The following POLDIP3 variants were observed in gnomAD, a reference collection of about 807,000 sequenced individuals.
POLDIP3 encodes the protein polymerase delta-interacting protein 3.
A neutral mutation model predicts 45.1 loss-of-function variants in POLDIP3; 14 were observed. That is an observed-to-expected ratio of 0.31 (90% confidence interval 0.20 to 0.49). The LOEUF (loss-of-function observed/expected upper bound fraction) is 0.49. Among genes scored for constraint, POLDIP3 ranks in the 20% least tolerant of loss-of-function variants. POLDIP3 has a pLI of 0.99. For missense variants in POLDIP3, 511 were observed against 538.8 expected, an observed-to-expected ratio of 0.95 and a Z score of 0.51; for synonymous variants, 223 against 205.2, an observed-to-expected ratio of 1.09 and a Z score of -0.74.
rs575159336 is a variant in POLDIP3 at position 42,584,062 on chromosome 22, G to C, written c.*1729C>G. Reference sequence around the variant, plus strand: ...GAGAGGGAGGATAAAGCCATGCAGGGAGGATATTTACCATCCCTACCCTAA... The same window carrying C: ...GAGAGGGAGGATAAAGCCATGCAGGCAGGATATTTACCATCCCTACCCTAA... On this transcript the variant is annotated 3_prime_UTR_variant, in exon 9 of 9. Transcript: ENST00000252115. 1.4e-4 allele frequency: 22 copies of C among 152,624 alleles called. No homozygotes were observed. The highest frequency in any genetic ancestry group is 5.1e-4 in the African/African-American group (21 of 41,560). The allele number at this position is 152,624 out of a possible 1,614,324, so 9.5% of individuals were successfully genotyped here.
intron 1 of POLDIP3, among the ~76,000 whole-genome samples, chr22:42,608,634 C>T (rs986069894): frequency 6.6e-6 from 1 of 152,128 alleles, no homozygotes; most frequent in Non-Finnish European, 1.5e-5. Flanking sequence ...CACTCTCTAG[C>T]GACCAAAGGG....
chr22:42,590,984 A>G (rs2062569843), intron 7 of POLDIP3, among the ~76,000 whole-genome samples: 1 of 151,982 alleles, frequency 6.6e-6, no homozygotes. Context: ...TGAGGCAGGA[A>G]AGCCGCTTGA....
intron 4 of POLDIP3, among the ~76,000 whole-genome samples, chr22:42,599,482 T>C (rs1279813753): frequency 6.6e-6 from 1 of 152,184 alleles, no homozygotes; most frequent in African/African-American, 2.4e-5. Context: ...CAGGCGCCTG[T>C]AATCCCAGCT....
Position 42,603,009 on chromosome 22 carries a change from C to T in POLDIP3, c.211G>A (p.Val71Ile), listed in dbSNP as rs745736942. Residue 71 changes from valine (V) to isoleucine (I), a missense_variant, in exon 2 of 9, where the codon GTC (valine) becomes ATC (isoleucine). Around this residue, in one of 4 missense-constraint regions of POLDIP3, gnomAD observed 378 missense variants for 352.3 expected, o/e 1.07. Transcript: ENST00000252115. The part of the protein sequence containing the change: ...GLSDARLKLG[V>I]KDAREKLLQK... The stretch of plus-strand genomic sequence containing the variant: ...AAAAGCTTCTCCCGGGCATCCTTGA[C>T]TCCCAGTTTGAGCCGGGCATCTGAG... The T allele has an allele frequency of 1.9e-6, 3 of 1,614,166 alleles. No individual in the cohort carries two copies. The highest frequency in any genetic ancestry group is 2.2e-5 in the South Asian group (2 of 91,082).
intron 1 of POLDIP3, among the ~76,000 whole-genome samples, chr22:42,603,414 T>G (rs1436120039): frequency 1.3e-5 from 2 of 152,184 alleles, no homozygotes; most frequent in Non-Finnish European, 2.9e-5. Context: ...AAGAGTGTTT[T>G]GCTTCCTAGA....
intron 8 of POLDIP3, among the ~76,000 whole-genome samples, chr22:42,586,595 ACT>A (rs144909564): frequency 0.022 from 3,395 of 152,264 alleles, 45 homozygotes; most frequent in Non-Finnish European, 0.034. Context: ...AACAGATGTA[ACT>A]CTGTTTAGCC....
In POLDIP3 at chr22:42,602,563, CT is replaced by C. The variant is rs3216842; in HGVS notation, c.450+206del. ...CCAAATTTCTATGGGCCTCCTTTTT[CT>C]TTTTTTTTAGAACTGAGATAATACC... On this transcript the variant is annotated intron_variant, in intron 2 of 8. Transcript: ENST00000252115. Among the ~76,000 whole-genome samples the C allele has an allele frequency of 2.2e-3, 339 of 151,596 alleles. 4 individuals are homozygous for C. The highest frequency in any genetic ancestry group is 7.9e-3 in the African/African-American group (326 of 41,350).
chr22:42,592,165 TG>T, intron 6 of POLDIP3, 81 bp from the exon 7 acceptor site: 1 of 1,581,766 alleles, frequency 6.3e-7, no homozygotes, highest in Admixed American at 1.8e-5. Flanking sequence ...CCCTGGGGTG[TG>T]GTGGTTCCGC....
At chr22:42,600,284 G>A (rs1193431538) in intron 3 of POLDIP3, among the ~76,000 whole-genome samples, 1 of 152,222 alleles carries the variant, frequency 6.6e-6, no homozygotes, top group Non-Finnish European at 1.5e-5. Context: ...ATGTCACAGA[G>A]AAATGCTTGA....
At position 42,607,945 on chromosome 22, in the gene POLDIP3, G is replaced by GC. The variant is rs1926861966; in HGVS notation, c.60-4786dup. On this transcript the variant is annotated intron_variant, in intron 1 of 8. Coordinates refer to ENST00000252115, the MANE Select transcript of POLDIP3 (RefSeq NM_032311.5). Reference sequence around the variant, plus strand: ...CCGTCTGGGAGGGAGGTGGGGGGCAGCCCCCGCACAGCCAGCCGCCCTGTT... The same window carrying GC: ...CCGTCTGGGAGGGAGGTGGGGGGCAGCCCCCCGCACAGCCAGCCGCCCTGTT... Among the ~76,000 whole-genome samples the GC allele has an allele frequency of 2.6e-5, 4 of 151,254 alleles. No individual in the cohort carries two copies. The South Asian group carries it at 8.4e-4, about 32-fold the overall frequency.
At chr22:42,611,693 G>A (rs548188354) in intron 1 of POLDIP3, among the ~76,000 whole-genome samples, 21 of 152,104 alleles carry the variant, frequency 1.4e-4, no homozygotes, top group Non-Finnish European at 3.1e-4. Flanking sequence ...TGACCAACAT[G>A]GTGAAACCCC....
chr22:42,587,626 C>T (rs749794600), intron 7 of POLDIP3, 54 bp from the exon 8 acceptor site: 1 of 1,500,118 alleles, frequency 6.7e-7, no homozygotes, highest in Non-Finnish European at 9.3e-7. Context: ...GCTCCTCACA[C>T]AAGAGGACAA....
intron 6 of POLDIP3, among the ~76,000 whole-genome samples, chr22:42,595,329 C>T (rs1427898225): frequency 1.3e-5 from 2 of 152,168 alleles, no homozygotes; most frequent in Non-Finnish European, 2.9e-5. Flanking sequence ...GGAGGGGCCT[C>T]TGGAGGCTTG....
intron 6 of POLDIP3, among the ~76,000 whole-genome samples, chr22:42,595,278 C>T (rs1196122880): frequency 6.6e-6 from 1 of 152,262 alleles, no homozygotes; most frequent in Admixed American, 6.5e-5. Context: ...ATTGTCACAA[C>T]TTGCTGCGAG....
At chr22:42,607,169 C>T (rs569713897) in intron 1 of POLDIP3, among the ~76,000 whole-genome samples, 13 of 152,366 alleles carry the variant, frequency 8.5e-5, no homozygotes, top group African/African-American at 2.9e-4. Flanking sequence ...CGAGCCGAGG[C>T]TGGACTGTAC....
intron 1 of POLDIP3, 27 bp downstream of exon 1, chr22:42,614,772 A>G: frequency 6.2e-7 from 1 of 1,613,410 alleles, no homozygotes; most frequent in South Asian, 1.1e-5. Flanking sequence ...AGGACCCTAA[A>G]CCCCGAAGAA....
intron 1 of POLDIP3, among the ~76,000 whole-genome samples, chr22:42,610,208 T>G (rs944839494): frequency 6.6e-6 from 1 of 152,178 alleles, no homozygotes; most frequent in African/African-American, 2.4e-5. Flanking sequence ...TACTATCCCC[T>G]TACCCAAGAG....
chr22:42,612,684 G>A (rs1235638127), intron 1 of POLDIP3, among the ~76,000 whole-genome samples: 1 of 152,134 alleles, frequency 6.6e-6, no homozygotes, highest in Non-Finnish European at 1.5e-5. Flanking sequence ...AAATTAGACA[G>A]TCGTGGTGTC....
In POLDIP3 at chr22:42,585,053, A is replaced by G; in HGVS notation, c.*738T>C. ...CCCCCTCCCAGCAAAGACACCCAGAAGGGAAAGAGAGCTGGGGTGGGGCAT... is the reference window on the plus strand; with the variant it reads ...CCCCCTCCCAGCAAAGACACCCAGAGGGGAAAGAGAGCTGGGGTGGGGCAT... On this transcript the variant is annotated 3_prime_UTR_variant, in exon 9 of 9. Transcript: ENST00000252115. The G allele has an allele frequency of 2.2e-6, 1 of 454,352 alleles. No homozygotes were observed. Among genetic ancestry groups the G allele is most frequent in the Non-Finnish European group, 4.4e-6 (1 of 226,144 alleles). The allele number at this position is 454,352 out of a possible 1,614,324, so 28.1% of individuals were successfully genotyped here. A position where few individuals can be genotyped will look rare whatever the true frequency, so the allele number is the denominator to read the frequency against.
Sources: allele counts gnomAD v4.1 joint callset (sites outside exome capture counted in the v4.1 genomes callset), GRCh38; gene constraint gnomAD v4.1.1; regional missense constraint gnomAD v4.1.1; transcripts MANE v1.5; gene names NCBI Gene and HGNC (gene_info 2026-07-23, HGNC 2026-07-21).